AAK1: variants seen among roughly 807,000 people sequenced by gnomAD.
AAK1 encodes AP2-associated protein kinase 1.
In AAK1, 37 loss-of-function variants were observed where a neutral mutation model predicts 116.0. The ratio of observed to expected loss-of-function variants is 0.32; its 90% confidence interval spans 0.25 to 0.42. The LOEUF (loss-of-function observed/expected upper bound fraction) is 0.42, where lower values mean the gene tolerates loss of function less well. Ranked by LOEUF, AAK1 falls within the 10% of genes least tolerant of loss-of-function variation. The probability of loss-of-function intolerance (pLI) is 1.00; values close to 1 mark genes in which losing one functional copy is unlikely to be tolerated. For missense variants in AAK1, 919 were observed against 1,170.6 expected (o/e 0.79, Z 3.14); for synonymous variants, 458 against 439.9 (o/e 1.04, Z -0.51).
chr2:69,493,773 C>T (rs1028745177), intron 17 of AAK1, among the ~76,000 whole-genome samples: 6 of 152,040 alleles, frequency 3.9e-5, no homozygotes, highest in Non-Finnish European at 7.4e-5. Flanking sequence ...TCTGAGCAGA[C>T]GGCATTTAAG....
At chr2:69,515,004 G>A (rs1228192484) in intron 12 of AAK1, among the ~76,000 whole-genome samples, 1 of 152,132 alleles carries the variant, frequency 6.6e-6, no homozygotes, top group Non-Finnish European at 1.5e-5. Flanking sequence ...CCTTCCAAGT[G>A]GGTTTCTGGG....
rs561486924 is a variant in AAK1 at position 69,588,489 on chromosome 2, T to C, written c.164-31511A>G. ...TTAACTAAGAACTCCCTCTCTGTTA[T>C]AACGGTTTGTTTCAGCAGTAGATGG... On this transcript the variant is annotated intron_variant, in intron 2 of 21. Coordinates refer to ENST00000409085, the MANE Select transcript of AAK1 (RefSeq NM_014911.5). Among the ~76,000 whole-genome samples, 5 of 152,296 alleles carry C rather than the reference T, an allele frequency of 3.3e-5. No individual in the cohort carries two copies. The South Asian group carries it at 1.0e-3, about 32-fold the overall frequency.
At chr2:69,567,445 G>GAC (rs1671923713) in intron 2 of AAK1, among the ~76,000 whole-genome samples, 1 of 152,292 alleles carries the variant, frequency 6.6e-6, no homozygotes, top group African/African-American at 2.4e-5. Context: ...CAAGGGCAGG[G>GAC]ACGATGACTG....
At chr2:69,533,641 T>C (rs1670347853) in intron 5 of AAK1, among the ~76,000 whole-genome samples, 1 of 152,216 alleles carries the variant, frequency 6.6e-6, no homozygotes, top group Admixed American at 6.5e-5. Context: ...TTACATTCCT[T>C]GGAACTTAAT....
At position 69,480,993 on chromosome 2, in the gene AAK1, G is replaced by C. The variant is rs115489352; in HGVS notation, c.2468-32C>G. 7.0e-3 allele frequency: 10,703 copies of C among 1,532,746 alleles called. 144 individuals are homozygous for C. Among genetic ancestry groups the C allele is most frequent in the Non-Finnish European group, 6.1e-3 (6,922 of 1,126,096 alleles). The allele number at this position is 1,532,746 out of a possible 1,614,324, so 94.9% of individuals were successfully genotyped here. A position where few individuals can be genotyped will look rare whatever the true frequency, so the allele number is the denominator to read the frequency against. On this transcript the variant is annotated intron_variant, in intron 18 of 21. Coordinates refer to ENST00000409085, the MANE Select transcript of AAK1 (RefSeq NM_014911.5). ...TAACAGAGCATTAAGAAGAGGAAAG[G>C]GTAAGGGAAAGGGAGTCAGAAGTTT... is the stretch of plus-strand genomic sequence containing the variant.
intron 11 of AAK1, among the ~76,000 whole-genome samples, 167 bp downstream of exon 11, chr2:69,520,667 A>G (rs1669735114): frequency 6.6e-6 from 1 of 152,150 alleles, no homozygotes; most frequent in African/African-American, 2.4e-5. Context: ...ACGCCCGGCC[A>G]CTGCCATACA....
rs1674662286 is a variant in AAK1 at position 69,471,111 on chromosome 2, C to T, written c.*4758G>A. 1 of 985,668 alleles carries T rather than the reference C, an allele frequency of 1.0e-6. No individual in the cohort carries two copies. Among genetic ancestry groups the T allele is most frequent in the South Asian group, 4.7e-5 (1 of 21,296 alleles). 61.1% of individuals were successfully genotyped at this position (985,668 alleles called of 1,614,324 possible). ...GCGTTAAAGACCTATGATAAACACACATCCACATGACAAAGGAGAGTGCAA... is the reference window on the plus strand; with the variant it reads ...GCGTTAAAGACCTATGATAAACACATATCCACATGACAAAGGAGAGTGCAA... On this transcript the variant is annotated 3_prime_UTR_variant, in exon 22 of 22. Coordinates refer to ENST00000409085, the MANE Select transcript of AAK1 (RefSeq NM_014911.5).
chr2:69,549,258 A>C (rs1671070992), intron 3 of AAK1, among the ~76,000 whole-genome samples: 1 of 152,102 alleles, frequency 6.6e-6, no homozygotes, highest in Non-Finnish European at 1.5e-5. Flanking sequence ...AGTCCCAGCT[A>C]CTCGGGAGGC....
At chr2:69,572,568 G>C (rs536358274) in intron 2 of AAK1, among the ~76,000 whole-genome samples, 3 of 145,236 alleles carry the variant, frequency 2.1e-5, no homozygotes, top group African/African-American at 7.7e-5. Flanking sequence ...GCAGTGAGCC[G>C]AGATCATGCC....
intron 2 of AAK1, among the ~76,000 whole-genome samples, chr2:69,564,864 G>A (rs1419794271): frequency 6.6e-6 from 1 of 152,032 alleles, no homozygotes; most frequent in Non-Finnish European, 1.5e-5. Context: ...CTACCTCAAA[G>A]CTTTGGGGAT....
In AAK1 at chr2:69,514,489, GGCTGGCTGTGGGGCTGCA is replaced by G. The variant is rs762858010; in HGVS notation, c.1740_1757del (p.Ala581_Ala586del). ...TTCTTACCGCTGGCTCCTGGGCAGG[GGCTGGCTGTGGGGCTGCA>G]GCTGGCTGTGGCTGGGGCTGCTGTC... On this transcript the variant is annotated inframe_deletion, in exon 13 of 22. Coordinates refer to ENST00000409085, the MANE Select transcript of AAK1 (RefSeq NM_014911.5). The G allele has an allele frequency of 1.3e-5, 20 of 1,548,250 alleles. No homozygotes were observed. Among genetic ancestry groups the G allele is most frequent in the Admixed American group, 3.9e-5 (2 of 50,864 alleles).
At chr2:69,509,565 C>G in intron 13 of AAK1, 105 bp from the exon 14 acceptor site, 1 of 952,166 alleles carries the variant, frequency 1.1e-6, no homozygotes, top group Non-Finnish European at 1.6e-6. Flanking sequence ...GCCACATAAG[C>G]ACTAACATGA....
At position 69,514,614 on chromosome 2, in the gene AAK1, G is replaced by A. The variant is rs1160061693; in HGVS notation, c.1633C>T (p.Gln545Ter). The A allele has an allele frequency of 6.3e-7, 1 of 1,587,284 alleles. No individual in the cohort carries two copies. Among genetic ancestry groups the A allele is most frequent in the South Asian group, 1.1e-5 (1 of 88,074 alleles). The change falls in exon 13 of 22, where the codon CAA becomes TAA. Residue 545 changes from glutamine (Q) to a stop codon, truncating the protein, a stop_gained. Coordinates refer to ENST00000409085, the MANE Select transcript of AAK1 (RefSeq NM_014911.5). LOFTEE classifies it high-confidence loss of function. The stretch of plus-strand genomic sequence containing the variant: ...TGATGCAGGGCTGTGGCCAGCTGTT[G>A]CTGTTGCTGTTGTTGTTGCTGCTGC... Reference protein sequence around the residue: ...QQQQQQQQQQQQLATALHQQQ... With the variant: ...QQQQQQQQQQ
At position 69,566,985 on chromosome 2, in the gene AAK1, G is replaced by A. The variant is rs780720438; in HGVS notation, c.164-10007C>T. Among the ~76,000 whole-genome samples, 5 of 152,174 alleles carry A rather than the reference G, an allele frequency of 3.3e-5. 1 individual carries two copies. The highest frequency in any genetic ancestry group is 1.9e-4 in the East Asian group (1 of 5,180). ...GAAACTTAATATCATTTGAAACTTCGCAATGGCTTCTCACCCCTCTTAGAA... is the reference window on the plus strand; with the variant it reads ...GAAACTTAATATCATTTGAAACTTCACAATGGCTTCTCACCCCTCTTAGAA... On this transcript the variant is annotated intron_variant, in intron 2 of 21. Coordinates refer to ENST00000409085, the MANE Select transcript of AAK1 (RefSeq NM_014911.5).
chr2:69,461,755 C>A lies in AAK1; in HGVS notation c.*14114G>T. 3.2e-6 allele frequency: 1 copy of A among 311,808 alleles called. No homozygotes were observed. The highest frequency in any genetic ancestry group is 6.3e-6 in the Non-Finnish European group (1 of 158,176). The allele number at this position is 311,808 out of a possible 1,614,324, so 19.3% of individuals were successfully genotyped here. A position where few individuals can be genotyped will look rare whatever the true frequency, so the allele number is the denominator to read the frequency against. The stretch of plus-strand genomic sequence containing the variant: ...TACAGGTGCGTGCCATCACGCCCAG[C>A]TACTTTTTGTATTTTTGGTAGAGAC... On this transcript the variant is annotated 3_prime_UTR_variant, in exon 22 of 22. Coordinates refer to ENST00000409085, the MANE Select transcript of AAK1 (RefSeq NM_014911.5).
chr2:69,488,708 A>G (rs369567910), intron 17 of AAK1, among the ~76,000 whole-genome samples: 1 of 152,300 alleles, frequency 6.6e-6, no homozygotes, highest in East Asian at 1.9e-4. Flanking sequence ...TATTTTACTC[A>G]AATGTCTTGG....
At chr2:69,607,046 CA>C (rs61156108) in intron 2 of AAK1, among the ~76,000 whole-genome samples, 1,247 of 68,854 alleles carry the variant, frequency 0.018, 6 homozygotes, top group East Asian at 0.058. Context: ...AGTCTTGCCT[CA>C]AAAAAAAAAA....
chr2:69,561,559 G>C (rs13394329), intron 2 of AAK1, among the ~76,000 whole-genome samples: 5 of 152,322 alleles, frequency 3.3e-5, no homozygotes, highest in African/African-American at 1.2e-4. Context: ...TGGTGGCAGA[G>C]TTCAGATAAG....
At chr2:69,635,492 A>G (rs779467778) in intron 2 of AAK1, among the ~76,000 whole-genome samples, 1 of 152,268 alleles carries the variant, frequency 6.6e-6, no homozygotes, top group African/African-American at 2.4e-5. Context: ...TTGTACATCC[A>G]TGTTCATAAC....
Sources: gnomAD v4.1 joint callset for allele counts (sites outside exome capture counted in the v4.1 genomes callset) on GRCh38, gnomAD v4.1.1 for gene constraint, MANE v1.5 for transcripts, NCBI Gene and HGNC (gene_info 2026-07-23, HGNC 2026-07-21) for gene names.